CMTR1: variants seen among roughly 807,000 people sequenced by gnomAD.
The protein encoded by CMTR1 is cap-specific mRNA (nucleoside-2'-O-)-methyltransferase 1.
A neutral mutation model predicts 107.0 loss-of-function variants in CMTR1; 39 were observed. The ratio of observed to expected loss-of-function variants is 0.36; its 90% CI spans 0.28 to 0.48. The LOEUF (loss-of-function observed/expected upper bound fraction) is 0.48. Among genes scored for constraint, CMTR1 ranks in the 20% least tolerant of loss-of-function variants. CMTR1 has a pLI of 0.99. For missense variants in CMTR1, 672 were observed against 1,064.9 expected, an observed-to-expected ratio of 0.63 and a Z score of 5.14; for synonymous variants, 366 against 379.5, an observed-to-expected ratio of 0.96 and a Z score of 0.41.
chr6:37,475,745 T>C (rs1176232539), intron 19 of CMTR1: 9 of 489,804 alleles, frequency 1.8e-5, no homozygotes, highest in Non-Finnish European at 3.0e-5. Context: ...TATCCTGTGC[T>C]TGAGTGGTCC....
upstream of CMTR1, among the ~76,000 whole-genome samples, chr6:37,428,756 C>T (rs958858196): frequency 2.0e-5 from 3 of 152,162 alleles, no homozygotes; most frequent in African/African-American, 7.2e-5. Flanking sequence ...CTGTGCCTGG[C>T]CTGTCAGAGT....
intron 4 of CMTR1, among the ~76,000 whole-genome samples, chr6:37,448,026 C>T (rs538640050): frequency 9.2e-5 from 14 of 151,952 alleles, no homozygotes; most frequent in South Asian, 2.1e-4. Context: ...TTGGCTAACA[C>T]GGTGAAATCC....
In CMTR1 at chr6:37,478,001, G is replaced by C. The variant is rs1176103734; in HGVS notation, c.2153+362G>C. On this transcript the variant is annotated intron_variant, in intron 21 of 23. Transcript: ENST00000373451. Reference sequence around the variant, plus strand: ...AGAAATTGAGCCTGGAGGGGTAGAAGGGGCATAAATGCGTCCTTATATTCT... The same window carrying C: ...AGAAATTGAGCCTGGAGGGGTAGAACGGGCATAAATGCGTCCTTATATTCT... 2.0e-5 allele frequency among the ~76,000 whole-genome samples: 3 copies of C among 152,054 alleles called. No homozygotes were observed. The East Asian group carries it at 5.8e-4, about 29-fold the overall frequency.
intron 23 of CMTR1, 131 bp from the exon 24 acceptor site, chr6:37,479,882 C>G (rs1027035936): frequency 4.5e-5 from 41 of 921,340 alleles, no homozygotes; most frequent in Non-Finnish European, 6.4e-5. Flanking sequence ...TACCGGGTAC[C>G]TTTTGCCTGC....
intron 12 of CMTR1, 84 bp from the exon 13 acceptor site, chr6:37,462,745 T>C: frequency 7.4e-7 from 1 of 1,343,238 alleles, no homozygotes; most frequent in South Asian, 1.3e-5. Flanking sequence ...CATTAAGCTT[T>C]GTGATTCCAC....
intron 8 of CMTR1, among the ~76,000 whole-genome samples, chr6:37,453,525 A>C (rs1761227767): frequency 6.6e-6 from 1 of 152,242 alleles, no homozygotes; most frequent in African/African-American, 2.4e-5. Context: ...AATCCGAGCC[A>C]CTAACCCTAC....
intron 13 of CMTR1, among the ~76,000 whole-genome samples, chr6:37,468,899 A>AATAT (rs1224932293): frequency 6.8e-6 from 1 of 146,238 alleles, no homozygotes; most frequent in Non-Finnish European, 1.5e-5. Context: ...TAAATAAATA[A>AATAT]ATAAATAAAA....
At chr6:37,475,713 A>T in intron 19 of CMTR1, 2 of 518,028 alleles carry the variant, frequency 3.9e-6, no homozygotes, top group South Asian at 4.3e-5. Flanking sequence ...TTGCGGGTAG[A>T]GGGGGTACTC....
rs542012052 is a variant in CMTR1 at position 37,472,364 on chromosome 6, C to T, written c.1621-55C>T. ...TCCTCCACCTGCATATACTCATACACGGTCTTGGTCAAAAGGGCATTTGAA... is the reference window on the plus strand; with the variant it reads ...TCCTCCACCTGCATATACTCATACATGGTCTTGGTCAAAAGGGCATTTGAA... On this transcript the variant is annotated intron_variant, in intron 15 of 23. Coordinates refer to ENST00000373451, the MANE Select transcript of CMTR1 (RefSeq NM_015050.3). This position sits in a 1 kb window ranked among gnomAD's most constrained non-coding sequence, Gnocchi z 4.1. 134 of 1,528,374 alleles carry T rather than the reference C, an allele frequency of 8.8e-5. No individual in the cohort carries two copies. The highest frequency in any genetic ancestry group is 5.7e-4 in the South Asian group (51 of 89,230). The allele number at this position is 1,528,374 out of a possible 1,614,324, so 94.7% of individuals were successfully genotyped here. A position where few individuals can be genotyped will look rare whatever the true frequency, so the allele number is the denominator to read the frequency against.
chr6:37,427,169 C>A, the CMTR1 span, among the ~76,000 whole-genome samples: 1 of 152,132 alleles, frequency 6.6e-6, no homozygotes, highest in African/African-American at 2.4e-5. This position sits in a 1 kb window ranked among gnomAD's most constrained non-coding sequence, Gnocchi z 4.4. Flanking sequence ...CCACAATTTA[C>A]CATCCTTGCC....
At chr6:37,462,802 G>T (rs764532398) in intron 12 of CMTR1, 27 bp from the exon 13 acceptor site, 8 of 1,608,906 alleles carry the variant, frequency 5.0e-6, no homozygotes, top group Non-Finnish European at 6.8e-6. Flanking sequence ...CCCTTGCTCG[G>T]TGGAGTGACA....
chr6:37,476,111 C>T lies in CMTR1; in HGVS notation c.2037-15C>T. 1 of 1,613,924 alleles carries T rather than the reference C, an allele frequency of 6.2e-7. No homozygotes were observed. Among genetic ancestry groups the T allele is most frequent in the Non-Finnish European group, 8.5e-7 (1 of 1,179,910 alleles). On this transcript the variant is annotated splice_polypyrimidine_tract_variant and intron_variant, in intron 19 of 23. Transcript: ENST00000373451. ...ATCCTTGGCTTGCCTCTCAGAGAGACTGTTTGGATTGTAGAATTCAGCTTG... is the reference window on the plus strand; with the variant it reads ...ATCCTTGGCTTGCCTCTCAGAGAGATTGTTTGGATTGTAGAATTCAGCTTG...
chr6:37,463,493 T>A (rs976219279), intron 13 of CMTR1, among the ~76,000 whole-genome samples: 3 of 152,212 alleles, frequency 2.0e-5, no homozygotes, highest in Non-Finnish European at 2.9e-5. Context: ...TTTCTGTATC[T>A]TCTTTGTTTT....
chr6:37,442,561 G>C (rs368251935), intron 2 of CMTR1, among the ~76,000 whole-genome samples: 1 of 152,166 alleles, frequency 6.6e-6, no homozygotes, highest in African/African-American at 2.4e-5. Flanking sequence ...CTGTCCAATG[G>C]GGACAGCAAG....
upstream of CMTR1, among the ~76,000 whole-genome samples, chr6:37,431,012 CAAAAAAAAAAAAA>C (rs34543353): frequency 2.0e-5 from 1 of 50,368 alleles, no homozygotes; most frequent in East Asian, 6.0e-4. Context: ...GACTCCGTCT[CAAAAAAAAAAAAA>C]AAAAAAAAAA....
In CMTR1 at chr6:37,435,701, C is replaced by G. The variant is rs1441581842; in HGVS notation, c.72C>G (p.Ala24=). ...AGAAAAAAAGAGTTGCAGAGCTTGC[C>G]CTGAGCCTCAGCTCCACGTCCGATG... is the stretch of plus-strand genomic sequence containing the variant. ...KKQKKRVAEL[A]LSLSSTSDDE... The change falls in exon 2 of 24, where the codon GCC becomes GCG. Residue 24 remains alanine (A), a synonymous_variant. Transcript: ENST00000373451. The G allele has an allele frequency of 2.5e-6, 4 of 1,603,726 alleles. No individual in the cohort carries two copies. Among genetic ancestry groups the G allele is most frequent in the Non-Finnish European group, 3.4e-6 (4 of 1,176,136 alleles).
chr6:37,458,808 A>G lies in CMTR1; in HGVS notation c.974A>G (p.Tyr325Cys). The G allele has an allele frequency of 6.2e-7, 1 of 1,613,786 alleles. No individual in the cohort carries two copies. The highest frequency in any genetic ancestry group is 8.5e-7 in the Non-Finnish European group (1 of 1,179,922). ...SASSELFEPY[Y>C]GEGGIDGDGD... ...TCCAGTGAACTCTTCGAACCCTACT[A>G]TGGTAGGGACATTGAGGAGGGTACT... is the stretch of plus-strand genomic sequence containing the variant. Residue 325 changes from tyrosine (Y) to cysteine (C), a missense_variant and splice_region_variant, in exon 9 of 24, where the codon TAT (tyrosine) becomes TGT (cysteine). Transcript: ENST00000373451. The surrounding 1 kb of genome is among the most constrained non-coding windows in gnomAD (Gnocchi z 4.7).
upstream of CMTR1, among the ~76,000 whole-genome samples, chr6:37,429,842 G>A (rs1293305361): frequency 2.6e-5 from 4 of 152,140 alleles, no homozygotes; most frequent in Non-Finnish European, 4.4e-5. Context: ...GGAGGCTGAG[G>A]CAGGAGAATT....
intron 3 of CMTR1, among the ~76,000 whole-genome samples, chr6:37,445,435 T>C (rs1771761841): frequency 6.6e-6 from 1 of 152,032 alleles, no homozygotes; most frequent in South Asian, 2.1e-4. Flanking sequence ...GTTGTGGCAT[T>C]TAAAAAACTG....
Sources: gnomAD v4.1 joint callset for allele counts (sites outside exome capture counted in the v4.1 genomes callset) on GRCh38, gnomAD v4.1.1 for gene constraint, Gnocchi (gnomAD v3.1) non-coding constraint, MANE v1.5 for transcripts, NCBI Gene and HGNC (gene_info 2026-07-23, HGNC 2026-07-21) for gene names.